WDHD1: variants seen among roughly 807,000 people sequenced by gnomAD.
WDHD1 encodes WD repeat and HMG-box DNA-binding protein 1.
Under a neutral mutation model 135.4 loss-of-function variants are expected in WDHD1, and 111 were observed. The observed-to-expected ratio is 0.82, with a 90% confidence interval of 0.70 to 0.96. WDHD1 has a LOEUF of 0.96. WDHD1 is among the 40% of genes least tolerant of loss of function. WDHD1 has a pLI of 0.00. For synonymous variants in WDHD1, 434 were observed against 439.0 expected, an observed-to-expected ratio of 0.99 and a Z score of 0.14; for missense variants, 1,351 against 1,336.3, an observed-to-expected ratio of 1.01 and a Z score of -0.17.
chr14:54,947,015 C>T (rs897099952), intron 24 of WDHD1, among the ~76,000 whole-genome samples: 1 of 151,294 alleles, frequency 6.6e-6, no homozygotes, highest in Non-Finnish European at 1.5e-5. Flanking sequence ...TGGACTCCAG[C>T]CTTGGTGACA....
chr14:55,014,969 G>A (rs941366808), intron 2 of WDHD1, among the ~76,000 whole-genome samples: 1 of 152,036 alleles, frequency 6.6e-6, no homozygotes, highest in Non-Finnish European at 1.5e-5. Flanking sequence ...GACAAGCCAG[G>A]AAAGAAAAAG....
At chr14:54,948,529 A>C (rs1240118634) in intron 24 of WDHD1, among the ~76,000 whole-genome samples, 1 of 152,206 alleles carries the variant, frequency 6.6e-6, no homozygotes, top group East Asian at 1.9e-4. Context: ...GAGCCCACTG[A>C]AGCTCAAGGA....
chr14:54,995,545 TA>T (rs2041863496), intron 11 of WDHD1, 57 bp downstream of exon 11: 2 of 1,342,186 alleles, frequency 1.5e-6, no homozygotes, highest in Non-Finnish European at 2.0e-6. Context: ...ATAGTGTTAA[TA>T]AAAAATCTAA....
At chr14:54,980,396 C>T (rs1015588016) in intron 16 of WDHD1, among the ~76,000 whole-genome samples, 2 of 151,984 alleles carry the variant, frequency 1.3e-5, no homozygotes, top group Non-Finnish European at 2.9e-5. Context: ...ACACTAATTT[C>T]TGAACATTTT....
rs1343704485 is a variant in WDHD1, at chr14:54,941,295, A to C, written c.*195T>G. ...AAGGCCCTGCATTTGGAGGCAGAGT[A>C]ATCTGCAAAGATGATAGTTTTTACA... On this transcript the variant is annotated 3_prime_UTR_variant, in exon 26 of 26. Transcript: ENST00000360586. 5 of 434,874 alleles carry C rather than the reference A, an allele frequency of 1.1e-5. No individual in the cohort carries two copies. The Admixed American group carries it at 1.6e-4, about 14-fold the overall frequency. 26.9% of individuals were successfully genotyped at this position (434,874 alleles called of 1,614,324 possible). A position where few individuals can be genotyped will look rare whatever the true frequency, so the allele number is the denominator to read the frequency against.
chr14:55,024,106 T>C (rs984947888), intron 2 of WDHD1, among the ~76,000 whole-genome samples: 2 of 152,224 alleles, frequency 1.3e-5, no homozygotes, highest in Non-Finnish European at 2.9e-5. Context: ...AATTTTCTAA[T>C]ATGTGTATTG....
At chr14:54,953,621 G>A (rs2041100439) in intron 24 of WDHD1, among the ~76,000 whole-genome samples, 1 of 152,040 alleles carries the variant, frequency 6.6e-6, no homozygotes, top group African/African-American at 2.4e-5. Context: ...CCCATTACTG[G>A]GTATATACCC....
chr14:54,955,526 T>C lies in WDHD1; in HGVS notation c.3050+35A>G, dbSNP rs2041137851. On this transcript the variant is annotated intron_variant, in intron 24 of 25. Transcript: ENST00000360586. ...TTGCTGCTACTGTATACTTTTTACT[T>C]GGTCACTGCATGCTAAATTTCTCTA... The C allele has an allele frequency of 2.7e-6, 4 of 1,468,558 alleles. No homozygotes were observed. The African/African-American group carries it at 4.4e-5, about 16-fold the overall frequency. The allele number at this position is 1,468,558 out of a possible 1,614,324, so 91.0% of individuals were successfully genotyped here. A position where few individuals can be genotyped will look rare whatever the true frequency, so the allele number is the denominator to read the frequency against.
intron 7 of WDHD1, among the ~76,000 whole-genome samples, chr14:55,004,182 CAA>C (rs1410102647): frequency 1.3e-5 from 2 of 152,162 alleles, no homozygotes; most frequent in African/African-American, 4.8e-5. Flanking sequence ...AGATGGTCCT[CAA>C]AGATTCCCAC....
At chr14:54,980,430 T>A (rs1226695229) in intron 16 of WDHD1, among the ~76,000 whole-genome samples, 1 of 152,132 alleles carries the variant, frequency 6.6e-6, no homozygotes, top group Non-Finnish European at 1.5e-5. Context: ...AGAAATCCCA[T>A]GCCACACCCA....
At chr14:54,978,420 A>C (rs1415050286) in intron 16 of WDHD1, among the ~76,000 whole-genome samples, 1 of 152,136 alleles carries the variant, frequency 6.6e-6, no homozygotes, top group African/African-American at 2.4e-5. Context: ...CCATCTTTAC[A>C]AAATATTTTT....
chr14:54,956,703 A>G (rs1009014879), intron 23 of WDHD1, among the ~76,000 whole-genome samples: 2 of 152,194 alleles, frequency 1.3e-5, no homozygotes, highest in African/African-American at 4.8e-5. Flanking sequence ...AAAGTGTGTA[A>G]CAACTCACGA....
chr14:54,948,544 T>C (rs1373542191), intron 24 of WDHD1, among the ~76,000 whole-genome samples: 1 of 152,226 alleles, frequency 6.6e-6, no homozygotes, highest in East Asian at 1.9e-4. Flanking sequence ...CAAGGAGTCC[T>C]GCCTGCCTCT....
intron 2 of WDHD1, among the ~76,000 whole-genome samples, chr14:55,026,232 T>C (rs2042437365): frequency 6.6e-6 from 1 of 152,044 alleles, no homozygotes; most frequent in Non-Finnish European, 1.5e-5. Context: ...AGAATGGGAC[T>C]TGGAAAGATA....
In WDHD1 at chr14:54,943,218, A is replaced by T. The variant is rs550410698; in HGVS notation, c.3189+1114T>A. Among the ~76,000 whole-genome samples, 13 of 152,294 alleles carry T rather than the reference A, an allele frequency of 8.5e-5. No individual in the cohort carries two copies. The South Asian group carries it at 2.1e-3, about 24-fold the overall frequency. Reference sequence around the variant, plus strand: ...CTTCACATGGCAGAAGTTTATCAGAAGCAAGCCAGCCACCTGTCCTAATTT... The same window carrying T: ...CTTCACATGGCAGAAGTTTATCAGATGCAAGCCAGCCACCTGTCCTAATTT... On this transcript the variant is annotated intron_variant, in intron 25 of 25. Transcript: ENST00000360586.
chr14:54,996,941 G>A (rs2140209579), intron 10 of WDHD1, among the ~76,000 whole-genome samples: 1 of 151,602 alleles, frequency 6.6e-6, no homozygotes, highest in South Asian at 2.1e-4. Flanking sequence ...ACAGGCGCAT[G>A]CCACCATGCC....
chr14:54,991,410 A>T lies in WDHD1; in HGVS notation c.1154-10T>A. 6.2e-7 allele frequency: 1 copy of T among 1,610,708 alleles called. No individual in the cohort carries two copies. The highest frequency in any genetic ancestry group is 8.5e-7 in the Non-Finnish European group (1 of 1,177,732). Reference sequence around the variant, plus strand: ...TTTAGCATTGAAATATCTACAACACAAAGGATCATAATTAAGGGAATCACG... The same window carrying T: ...TTTAGCATTGAAATATCTACAACACTAAGGATCATAATTAAGGGAATCACG... On this transcript the variant is annotated splice_polypyrimidine_tract_variant and intron_variant, in intron 11 of 25. Coordinates refer to ENST00000360586, the MANE Select transcript of WDHD1 (RefSeq NM_007086.4).
intron 16 of WDHD1, among the ~76,000 whole-genome samples, chr14:54,978,565 A>G (rs2041564297): frequency 6.6e-6 from 1 of 151,968 alleles, no homozygotes; most frequent in Admixed American, 6.6e-5. Flanking sequence ...AGCATGGGCA[A>G]ATGAGTGATA....
intron 24 of WDHD1, 24 bp downstream of exon 24, chr14:54,955,537 T>C: frequency 1.2e-5 from 18 of 1,496,980 alleles, no homozygotes; most frequent in Non-Finnish European, 1.6e-5. Flanking sequence ...GGTCACTGCA[T>C]GCTAAATTTC....
Sources: gnomAD v4.1 joint callset for allele counts (sites outside exome capture counted in the v4.1 genomes callset) on GRCh38, gnomAD v4.1.1 for gene constraint, MANE v1.5 for transcripts, NCBI Gene and HGNC (gene_info 2026-07-23, HGNC 2026-07-21) for gene names.